GRID2: variants seen among roughly 807,000 people sequenced by gnomAD.
GRID2 encodes glutamate receptor ionotropic, delta-2.
GRID2 carries 33 observed loss-of-function variants against 114.8 expected under a neutral mutation model. The observed-to-expected ratio is 0.29, with a 90% CI of 0.22 to 0.38. The LOEUF (loss-of-function observed/expected upper bound fraction) is 0.38, where lower values mean the gene tolerates loss of function less well. GRID2 is among the 10% of genes least tolerant of loss of function. The pLI, the probability that GRID2 is intolerant of heterozygous loss-of-function variation, is 1.00. For synonymous variants in GRID2, 505 were observed against 449.9 expected (o/e 1.12, Z -1.55); for missense variants, 1,184 against 1,257.7 (o/e 0.94, Z 0.89).
In GRID2 at chr4:93,773,920, TCTTA is replaced by T. The variant is rs1249839090; in HGVS notation, c.*1426_*1429del. 6.6e-6 allele frequency: 1 copy of T among 152,112 alleles called. No individual in the cohort carries two copies. Among genetic ancestry groups the T allele is most frequent in the Non-Finnish European group, 1.5e-5 (1 of 67,972 alleles). The allele number at this position is 152,112 out of a possible 1,614,324, so 9.4% of individuals were successfully genotyped here. On this transcript the variant is annotated 3_prime_UTR_variant, in exon 16 of 16. Transcript: ENST00000282020. Reference sequence around the variant, plus strand: ...GTGCACAATCCTTTTAAAGTAGCATTCTTACTTGTTAGAAATGTAGAATGAACTT... The same window carrying T: ...GTGCACAATCCTTTTAAAGTAGCATTCTTGTTAGAAATGTAGAATGAACTT...
intron 8 of GRID2, 116 bp downstream of exon 8, chr4:93,238,606 A>C: frequency 1.6e-5 from 11 of 709,312 alleles, no homozygotes; most frequent in Middle Eastern, 2.7e-4. Context: ...TGTGAAAGAG[A>C]AAGCAGGGGG....
intron 8 of GRID2, among the ~76,000 whole-genome samples, chr4:93,252,785 C>T (rs928618965): frequency 6.6e-6 from 1 of 151,998 alleles, no homozygotes; most frequent in South Asian, 2.1e-4. Flanking sequence ...TCGTTCACTT[C>T]CCTTGTTAGC....
At chr4:93,699,170 T>C (rs780632829) in intron 14 of GRID2, among the ~76,000 whole-genome samples, 16 of 152,140 alleles carry the variant, frequency 1.1e-4, no homozygotes, top group Non-Finnish European at 1.9e-4. Context: ...TGAGAAATTG[T>C]GAAGAAAATT....
rs34945534 is a variant in GRID2, at chr4:93,270,215, T to TACACACAC, written c.1245+31762_1245+31769dup. On this transcript the variant is annotated intron_variant, in intron 8 of 15. Transcript: ENST00000282020. ...ATAATCTCTCTCTCTCACACACACA[T>TACACACAC]ACACACACACACACACACACACACA... is the stretch of plus-strand genomic sequence containing the variant. 6.7e-3 allele frequency among the ~76,000 whole-genome samples: 920 copies of TACACACAC among 137,140 alleles called. 10 individuals carry two copies. The highest frequency in any genetic ancestry group is 0.022 in the African/African-American group (856 of 39,174). 90.0% of individuals were successfully genotyped at this position (137,140 alleles called of 152,430 possible).
intron 1 of GRID2, among the ~76,000 whole-genome samples, chr4:92,583,323 A>G (rs950448441): frequency 6.8e-5 from 10 of 146,176 alleles, no homozygotes; most frequent in Admixed American, 2.8e-4. Flanking sequence ...ACAGAGCACA[A>G]TTGTCTCTAA....
chr4:92,623,343 C>T (rs945522075), intron 2 of GRID2, among the ~76,000 whole-genome samples: 7 of 149,898 alleles, frequency 4.7e-5, no homozygotes, highest in South Asian at 2.1e-4. Context: ...TGTAACCCTG[C>T]GACACAAGGA....
intron 1 of GRID2, among the ~76,000 whole-genome samples, chr4:92,521,677 C>A (rs1233856931): frequency 6.6e-6 from 1 of 151,754 alleles, no homozygotes; most frequent in East Asian, 1.9e-4. Flanking sequence ...AATGATAAAC[C>A]AGCATGATAA....
intron 1 of GRID2, among the ~76,000 whole-genome samples, chr4:92,357,192 G>A (rs113556723): frequency 1.2e-3 from 182 of 151,846 alleles, no homozygotes; most frequent in African/African-American, 4.0e-3. Flanking sequence ...TATACCTAAC[G>A]TAAATGGTAA....
intron 2 of GRID2, among the ~76,000 whole-genome samples, chr4:92,920,885 A>G (rs559017279): frequency 1.3e-5 from 2 of 152,262 alleles, no homozygotes; most frequent in Admixed American, 1.3e-4. Flanking sequence ...CTAAATTTGA[A>G]TGTTGGTCTG....
At chr4:93,039,023 G>A (rs573841720) in intron 2 of GRID2, among the ~76,000 whole-genome samples, 1 of 152,274 alleles carries the variant, frequency 6.6e-6, no homozygotes, top group East Asian at 1.9e-4. Context: ...GCACACATAT[G>A]TTTATTGGGT....
intron 2 of GRID2, among the ~76,000 whole-genome samples, chr4:92,969,619 A>G (rs1051086396): frequency 4.6e-5 from 7 of 151,614 alleles, no homozygotes; most frequent in Non-Finnish European, 1.0e-4. Flanking sequence ...TCATAACGCT[A>G]TGAGACTCAG....
chr4:92,822,212 G>A (rs1195714774), intron 2 of GRID2: 1 of 500,024 alleles, frequency 2.0e-6, no homozygotes, highest in Non-Finnish European at 3.9e-6. Context: ...TAAAGCACAG[G>A]GCATTGATGA....
intron 1 of GRID2, among the ~76,000 whole-genome samples, chr4:92,328,761 TA>T (rs1225626948): frequency 6.6e-6 from 1 of 152,072 alleles, no homozygotes; most frequent in East Asian, 1.9e-4. Context: ...GGAATAAATT[TA>T]AAAAGCAGAA....
chr4:92,632,333 A>G (rs1458861235), intron 2 of GRID2, among the ~76,000 whole-genome samples: 1 of 151,968 alleles, frequency 6.6e-6, no homozygotes, highest in Non-Finnish European at 1.5e-5. Flanking sequence ...GTTTTTATGC[A>G]CTTAGAAATT....
intron 13 of GRID2, among the ~76,000 whole-genome samples, chr4:93,598,244 A>T (rs1048587763): frequency 6.6e-6 from 1 of 152,194 alleles, no homozygotes; most frequent in African/African-American, 2.4e-5. Flanking sequence ...ACTTATTGTT[A>T]TAGCTTCCAT....
intron 2 of GRID2, among the ~76,000 whole-genome samples, chr4:92,793,659 G>A (rs1184632798): frequency 6.6e-6 from 1 of 151,808 alleles, no homozygotes; most frequent in Non-Finnish European, 1.5e-5. Context: ...AATTATTAAT[G>A]AAAATAAGCC....
At chr4:93,636,885 C>A (rs1721454751) in intron 14 of GRID2, among the ~76,000 whole-genome samples, 1 of 152,108 alleles carries the variant, frequency 6.6e-6, no homozygotes, top group Non-Finnish European at 1.5e-5. Flanking sequence ...CCCTGGAGAC[C>A]ACTAGTCCAG....
At chr4:93,603,683 C>T (rs1739922925) in intron 13 of GRID2, among the ~76,000 whole-genome samples, 1 of 152,230 alleles carries the variant, frequency 6.6e-6, no homozygotes, top group Admixed American at 6.5e-5. Context: ...GACTGTCTGA[C>T]TCTTGTTAGG....
chr4:93,237,453 G>T (rs1746928380), intron 7 of GRID2, among the ~76,000 whole-genome samples: 1 of 151,862 alleles, frequency 6.6e-6, no homozygotes. Flanking sequence ...AAACGGAGTT[G>T]CAGGTTATGT....
Sources: allele counts gnomAD v4.1 joint callset (sites outside exome capture counted in the v4.1 genomes callset), GRCh38; gene constraint gnomAD v4.1.1; transcripts MANE v1.5; gene names NCBI Gene and HGNC (gene_info 2026-07-23, HGNC 2026-07-21).